Variants in PCGF3 observed in about 807,000 individuals in gnomAD.
PCGF3 encodes polycomb group RING finger protein 3.
In PCGF3, 7 loss-of-function variants were observed where a neutral mutation model predicts 33.1. The observed-to-expected ratio is 0.21, with a 90% confidence interval of 0.12 to 0.40. The LOEUF (loss-of-function observed/expected upper bound fraction) is 0.40, where lower values mean the gene tolerates loss of function less well. Ranked by LOEUF, PCGF3 falls within the 10% of genes least tolerant of loss-of-function variation. The pLI, the probability that PCGF3 is intolerant of heterozygous loss-of-function variation, is 1.00. For synonymous variants in PCGF3, 153 were observed against 121.3 expected, an observed-to-expected ratio of 1.26 and a Z score of -1.72; for missense variants, 211 against 313.3, an observed-to-expected ratio of 0.67 and a Z score of 2.46.
intron 5 of PCGF3, among the ~76,000 whole-genome samples, chr4:735,519 C>T (rs1743787614): frequency 6.7e-6 from 1 of 149,262 alleles, no homozygotes; most frequent in East Asian, 2.0e-4. Context: ...GCACTCCAGC[C>T]TGGCGACAGA....
intron 1 of PCGF3, chr4:723,590 G>T (rs1383247174): frequency 1.3e-5 from 2 of 153,402 alleles, no homozygotes; most frequent in African/African-American, 4.8e-5. Context: ...GACGGTGCGG[G>T]GGCCCCTTCA....
intron 8 of PCGF3, among the ~76,000 whole-genome samples, chr4:755,525 C>T (rs1304185903): frequency 1.3e-5 from 2 of 152,222 alleles, no homozygotes; most frequent in Non-Finnish European, 2.9e-5. Flanking sequence ...GACCTATCAT[C>T]ATCCACAGTT....
In PCGF3 at chr4:714,201, C is replaced by T. The variant is rs375340811; in HGVS notation, c.-190+8231C>T. Among the ~76,000 whole-genome samples, 3 of 152,324 alleles carry T rather than the reference C, an allele frequency of 2.0e-5. No individual in the cohort carries two copies. The East Asian group carries it at 5.8e-4, about 29-fold the overall frequency. On this transcript the variant is annotated intron_variant, in intron 1 of 10. Coordinates refer to ENST00000362003, the Ensembl canonical transcript of PCGF3. ...CTGCGAGCGCCTTGATTCTGGACTCCCAGCCTGCAGAACTGAGAGGTGCGT... is the reference window on the plus strand; with the variant it reads ...CTGCGAGCGCCTTGATTCTGGACTCTCAGCCTGCAGAACTGAGAGGTGCGT...
At chr4:762,353 A>G (rs4690308) in intron 9 of PCGF3, 108,339 of 155,738 alleles carry the variant, frequency 0.7, 38,134 homozygotes, top group Middle Eastern at 0.83. Flanking sequence ...GCCTCGAGGC[A>G]AGCCAGGGAG....
intron 10 of PCGF3, 21 bp downstream of exon 10, chr4:765,085 T>A: frequency 6.5e-7 from 1 of 1,550,350 alleles, no homozygotes; most frequent in Non-Finnish European, 8.9e-7. Context: ...TGATTTGATT[T>A]TCAGAGTCTG....
At chr4:728,145 T>TA (rs1415123398) in intron 1 of PCGF3, among the ~76,000 whole-genome samples, 3 of 152,232 alleles carry the variant, frequency 2.0e-5, no homozygotes, top group Admixed American at 6.5e-5. Context: ...TCACCTGCTT[T>TA]AGGTGCACCC....
At chr4:740,515 G>A (rs1419861076) in intron 6 of PCGF3, among the ~76,000 whole-genome samples, 1 of 151,970 alleles carries the variant, frequency 6.6e-6, no homozygotes, top group South Asian at 2.1e-4. Context: ...GCTCCTGTCC[G>A]TTCCTGGTGA....
chr4:752,934 G>A (rs140243179), intron 8 of PCGF3, among the ~76,000 whole-genome samples: 57 of 152,370 alleles, frequency 3.7e-4, no homozygotes, highest in African/African-American at 1.1e-3. Context: ...TTCTGAACAC[G>A]TCCCTGATGA....
rs551568979 is a variant in PCGF3 at position 720,347 on chromosome 4, C to T, written c.-189-10283C>T. Among the ~76,000 whole-genome samples the T allele has an allele frequency of 1.3e-5, 2 of 152,202 alleles. No homozygotes were observed. The highest frequency in any genetic ancestry group is 2.9e-5 in the Non-Finnish European group (2 of 67,980). Reference sequence around the variant, plus strand: ...GACTGCGGGAGGAGCGCCTGTGCATCGCTGTGGAGGGTGACTGTGCAGGAG... The same window carrying T: ...GACTGCGGGAGGAGCGCCTGTGCATTGCTGTGGAGGGTGACTGTGCAGGAG... On this transcript the variant is annotated intron_variant, in intron 1 of 10. Coordinates refer to ENST00000362003, the Ensembl canonical transcript of PCGF3. The surrounding 1 kb of genome is among the most constrained non-coding windows in gnomAD (Gnocchi z 5.6).
In PCGF3 at chr4:709,820, C is replaced by T. The variant is rs149175612; in HGVS notation, c.-190+3850C>T. Among the ~76,000 whole-genome samples, 121 of 152,376 alleles carry T rather than the reference C, an allele frequency of 7.9e-4. 1 individual carries two copies. Among genetic ancestry groups the T allele is most frequent in the Non-Finnish European group, 1.2e-3 (85 of 68,040 alleles). ...TCAGGGTACTCAGTGTCAGCCACGT[C>T]GTGTCCCTGCGTGGTCAGCCTGGAC... On this transcript the variant is annotated intron_variant, in intron 1 of 10. Transcript: ENST00000362003.
intron 8 of PCGF3, among the ~76,000 whole-genome samples, chr4:751,693 C>T (rs550310007): frequency 1.9e-4 from 29 of 152,308 alleles, no homozygotes; most frequent in African/African-American, 7.0e-4. Context: ...TGCCCTCCCC[C>T]GGTGGCCCCT....
intron 8 of PCGF3, among the ~76,000 whole-genome samples, chr4:760,920 A>T (rs1473327769): frequency 6.6e-6 from 1 of 152,230 alleles, no homozygotes; most frequent in Admixed American, 6.5e-5. Flanking sequence ...GCATTCGCAG[A>T]CACGGGGCCG....
chr4:765,138 T>C (rs1745290237), intron 10 of PCGF3, 74 bp downstream of exon 10: 3 of 1,061,470 alleles, frequency 2.8e-6, no homozygotes. Context: ...TTATCTAAAA[T>C]GTTAAATGAC....
chr4:733,050 GCCCCTGCCGCGTGCTGCCTCC>G (rs1276111076), intron 3 of PCGF3, among the ~76,000 whole-genome samples: 423 of 141,386 alleles, frequency 3.0e-3, no homozygotes, highest in African/African-American at 0.01. Flanking sequence ...GTAGGGTGGG[GCCCCTGCCGCGTGCTGCCTCC>G]GCCCCTGCCC....
chr4:747,844 G>C (rs1744330499), intron 8 of PCGF3, among the ~76,000 whole-genome samples: 1 of 151,914 alleles, frequency 6.6e-6, no homozygotes, highest in Non-Finnish European at 1.5e-5. Context: ...CAGCACCCAA[G>C]GGCTGCTGTT....
At chr4:724,227 G>A (rs925153260) in intron 1 of PCGF3, among the ~76,000 whole-genome samples, 3 of 152,192 alleles carry the variant, frequency 2.0e-5, no homozygotes, top group East Asian at 1.9e-4. Context: ...GATCGGCTGC[G>A]GGAGACAGGG....
At chr4:754,574 A>G (rs535375464) in intron 8 of PCGF3, among the ~76,000 whole-genome samples, 1 of 152,320 alleles carries the variant, frequency 6.6e-6, no homozygotes, top group South Asian at 2.1e-4. Context: ...ACCTGGTGCC[A>G]GGCTGCCCCA....
intron 6 of PCGF3, among the ~76,000 whole-genome samples, chr4:739,050 AC>A (rs1434390095): frequency 6.6e-6 from 1 of 152,156 alleles, no homozygotes; most frequent in African/African-American, 2.4e-5. Flanking sequence ...AGGCTGCAGT[AC>A]GTATCCCCAA....
exon 11 of PCGF3, chr4:767,412 G>C (rs1745431891): frequency 6.6e-6 from 1 of 152,126 alleles, no homozygotes; most frequent in Non-Finnish European, 1.5e-5. Context: ...TTGTCCTGCA[G>C]TTGTCATTGT....
Sources: allele counts gnomAD v4.1 joint callset (sites outside exome capture counted in the v4.1 genomes callset), GRCh38; gene constraint gnomAD v4.1.1; non-coding constraint Gnocchi (gnomAD v3.1); transcripts MANE v1.5; gene names NCBI Gene and HGNC (gene_info 2026-07-23, HGNC 2026-07-21).